EHBP1: variants seen among roughly 807,000 people sequenced by gnomAD.
EHBP1 encodes the protein EH domain binding protein 1.
A neutral mutation model predicts 144.0 loss-of-function variants in EHBP1; 55 were observed. The ratio of observed to expected loss-of-function variants is 0.38; its 90% CI spans 0.31 to 0.48. EHBP1 has a LOEUF of 0.48. EHBP1 is among the 20% of genes least tolerant of loss of function. EHBP1 has a pLI of 0.98. For synonymous variants in EHBP1, 469 were observed against 472.7 expected (o/e 0.99, Z 0.10); for missense variants, 1,200 against 1,364.2 (o/e 0.88, Z 1.90).
chr2:62,764,429 A>G, intron 4 of EHBP1, 68 bp downstream of exon 4: 1 of 1,254,802 alleles, frequency 8.0e-7, no homozygotes, highest in Non-Finnish European at 1.1e-6. Context: ...AGAATATTTC[A>G]GTGTTCATTG....
chr2:62,882,221 A>G (rs752318382), intron 10 of EHBP1, among the ~76,000 whole-genome samples: 6 of 152,204 alleles, frequency 3.9e-5, no homozygotes, highest in Non-Finnish European at 8.8e-5. Context: ...CAGCCATTCC[A>G]TAAGTCAATC....
At chr2:62,838,082 A>G (rs1304822756) in intron 7 of EHBP1, among the ~76,000 whole-genome samples, 2 of 151,290 alleles carry the variant, frequency 1.3e-5, no homozygotes, top group African/African-American at 4.9e-5. Context: ...TTGACCACAT[A>G]GTTGGAAGTA....
At chr2:62,743,498 G>T (rs1258281655) in intron 2 of EHBP1, among the ~76,000 whole-genome samples, 1 of 152,012 alleles carries the variant, frequency 6.6e-6, no homozygotes, top group Non-Finnish European at 1.5e-5. Context: ...TTTCATCCTT[G>T]TATCTCCATT....
chr2:62,777,634 T>A (rs933416338), intron 5 of EHBP1, among the ~76,000 whole-genome samples: 14 of 152,178 alleles, frequency 9.2e-5, no homozygotes, highest in Admixed American at 6.5e-4. Flanking sequence ...ATGACTGCTA[T>A]ATAAAATAAT....
chr2:62,867,823 T>A (rs2050160146), intron 9 of EHBP1, among the ~76,000 whole-genome samples: 1 of 152,148 alleles, frequency 6.6e-6, no homozygotes, highest in Non-Finnish European at 1.5e-5. Context: ...ACCAAGACAG[T>A]GTGGTATTAG....
chr2:62,753,235 G>A lies in EHBP1; in HGVS notation c.162+5783G>A, dbSNP rs113217177. Among the ~76,000 whole-genome samples, 109 of 152,278 alleles carry A rather than the reference G, an allele frequency of 7.2e-4. 1 individual carries two copies. Among genetic ancestry groups the A allele is most frequent in the African/African-American group, 2.4e-3 (100 of 41,556 alleles). On this transcript the variant is annotated intron_variant, in intron 3 of 22. Transcript: ENST00000431489. ...CTCTCAGCATTTGCTTGTCTGTAAA[G>A]TATTTTATTTCTCCTTCACTTATGA...
chr2:62,934,669 C>T (rs1211836212), intron 10 of EHBP1, among the ~76,000 whole-genome samples: 1 of 152,132 alleles, frequency 6.6e-6, no homozygotes, highest in Non-Finnish European at 1.5e-5. Flanking sequence ...TGTAGCAGCC[C>T]ATACACACAA....
chr2:62,839,108 C>G (rs1399700785), intron 7 of EHBP1, among the ~76,000 whole-genome samples: 1 of 148,130 alleles, frequency 6.8e-6, no homozygotes, highest in African/African-American at 2.5e-5. Context: ...TACTGGCAAA[C>G]CGAATCCAGC....
intron 10 of EHBP1, among the ~76,000 whole-genome samples, chr2:62,938,548 G>T (rs1272473462): frequency 6.6e-6 from 1 of 152,156 alleles, no homozygotes; most frequent in African/African-American, 2.4e-5. Flanking sequence ...CTTTATTACC[G>T]TTCACATGTA....
intron 3 of EHBP1, 101 bp downstream of exon 3, chr2:62,747,553 G>GTT: frequency 1.6e-5 from 14 of 873,690 alleles, no homozygotes; most frequent in South Asian, 7.5e-5. Context: ...TTGATGTTTT[G>GTT]TTTTTTTTTC....
intron 1 of EHBP1, among the ~76,000 whole-genome samples, chr2:62,688,664 A>G (rs1326025616): frequency 6.6e-6 from 1 of 151,270 alleles, no homozygotes; most frequent in East Asian, 1.9e-4. Flanking sequence ...CTTCTGTTCT[A>G]CTTTTCACTT....
chr2:62,688,325 T>G (rs1015202666), intron 1 of EHBP1, among the ~76,000 whole-genome samples: 1 of 152,186 alleles, frequency 6.6e-6, no homozygotes, highest in Non-Finnish European at 1.5e-5. Context: ...TTCTATGTGT[T>G]GGACATTTAT....
chr2:62,808,142 A>G (rs377432523), intron 5 of EHBP1, among the ~76,000 whole-genome samples: 9 of 150,012 alleles, frequency 6.0e-5, no homozygotes, highest in East Asian at 3.9e-4. Context: ...TGAGCTCTCT[A>G]GATCTGTGGT....
chr2:62,938,547 C>T (rs1431570565), intron 10 of EHBP1, among the ~76,000 whole-genome samples: 2 of 152,232 alleles, frequency 1.3e-5, no homozygotes, highest in East Asian at 1.9e-4. Flanking sequence ...GCTTTATTAC[C>T]GTTCACATGT....
chr2:62,966,811 G>C lies in EHBP1; in HGVS notation c.2460+11151G>C, dbSNP rs1211925348. On this transcript the variant is annotated intron_variant, in intron 14 of 22. Coordinates refer to ENST00000431489, the MANE Select transcript of EHBP1 (RefSeq NM_001142616.3). ...ACAGTTATTATAAAAAGTATAGTGT[G>C]CTCCCTAACTTTTGACATTTCAAAT... is the stretch of plus-strand genomic sequence containing the variant. Among the ~76,000 whole-genome samples the C allele has an allele frequency of 4.6e-5, 7 of 152,092 alleles. 2 individuals are homozygous for C. Among genetic ancestry groups the C allele is most frequent in the Admixed American group, 4.6e-4 (7 of 15,260 alleles).
At chr2:62,855,898 A>T (rs1454337564) in intron 7 of EHBP1, among the ~76,000 whole-genome samples, 1 of 152,126 alleles carries the variant, frequency 6.6e-6, no homozygotes, top group Non-Finnish European at 1.5e-5. Flanking sequence ...AAGAGGAGCA[A>T]GCCACTCCAC....
At chr2:62,807,986 T>C (rs977362828) in intron 5 of EHBP1, among the ~76,000 whole-genome samples, 1 of 151,610 alleles carries the variant, frequency 6.6e-6, no homozygotes, top group African/African-American at 2.4e-5. Context: ...TTTGGGAGGC[T>C]GAAGTGGGAG....
At chr2:63,019,751 AAGAGGAGGGGAGGGG>A (rs1207290108) in intron 19 of EHBP1, among the ~76,000 whole-genome samples, 1 of 132,796 alleles carries the variant, frequency 7.5e-6, no homozygotes, top group Non-Finnish European at 1.6e-5. Context: ...GAGGGGAGGG[AAGAGGAGGGGAGGGG>A]AGAGGAGGGG....
intron 2 of EHBP1, among the ~76,000 whole-genome samples, chr2:62,711,299 T>A (rs973829764): frequency 6.6e-6 from 1 of 152,200 alleles, no homozygotes; most frequent in African/African-American, 2.4e-5. Flanking sequence ...TAAATTTTTT[T>A]AAAGATATAG....
Sources: allele counts gnomAD v4.1 joint callset (sites outside exome capture counted in the v4.1 genomes callset), GRCh38; gene constraint gnomAD v4.1.1; transcripts MANE v1.5; gene names NCBI Gene and HGNC (gene_info 2026-07-23, HGNC 2026-07-21).